RNF150: variants seen among roughly 807,000 people sequenced by gnomAD.
The protein encoded by RNF150 is ring finger protein 150.
RNF150 carries 24 observed loss-of-function variants against 39.3 expected under a neutral mutation model. The ratio of observed to expected loss-of-function variants is 0.61; its 90% CI spans 0.44 to 0.86. The LOEUF (loss-of-function observed/expected upper bound fraction) is 0.86. RNF150 is among the 40% of genes least tolerant of loss of function. RNF150 has a pLI of 0.00. For synonymous variants in RNF150, 255 were observed against 227.3 expected (o/e 1.12, Z -1.10); for missense variants, 502 against 587.8 (o/e 0.85, Z 1.51).
chr4:141,047,563 T>C (rs909584571), intron 1 of RNF150, among the ~76,000 whole-genome samples: 1 of 152,042 alleles, frequency 6.6e-6, no homozygotes, highest in Non-Finnish European at 1.5e-5. Flanking sequence ...AAACAGAAAA[T>C]GGAGGCCAAA....
chr4:140,908,291 G>A (rs1056225323), intron 6 of RNF150, among the ~76,000 whole-genome samples: 1 of 152,166 alleles, frequency 6.6e-6, no homozygotes, highest in Non-Finnish European at 1.5e-5. Flanking sequence ...AGGAATTACA[G>A]CCACTTAGTT....
intron 5 of RNF150, among the ~76,000 whole-genome samples, chr4:140,917,148 A>C (rs1200026696): frequency 6.6e-6 from 1 of 152,216 alleles, no homozygotes; most frequent in Non-Finnish European, 1.5e-5. Flanking sequence ...TGAGCAAAAT[A>C]ACCAGCTAAC....
chr4:141,154,932 G>GA (rs922784784), intron 1 of RNF150, among the ~76,000 whole-genome samples: 4 of 152,060 alleles, frequency 2.6e-5, no homozygotes, highest in African/African-American at 9.7e-5. Context: ...AGGCATTTTA[G>GA]AAATATGCCT....
chr4:141,166,192 A>G (rs1727599119), intron 1 of RNF150, among the ~76,000 whole-genome samples: 1 of 152,240 alleles, frequency 6.6e-6, no homozygotes, highest in Non-Finnish European at 1.5e-5. Context: ...ATAAACTAGG[A>G]AATCTAGAAG....
intron 1 of RNF150, among the ~76,000 whole-genome samples, chr4:141,187,498 A>G (rs1008080152): frequency 6.6e-6 from 1 of 152,166 alleles, no homozygotes; most frequent in South Asian, 2.1e-4. Flanking sequence ...GTCTCTTTGT[A>G]GGTCTCTAAG....
chr4:141,032,147 G>A (rs1225955025), intron 1 of RNF150, among the ~76,000 whole-genome samples: 1 of 151,864 alleles, frequency 6.6e-6, no homozygotes, highest in East Asian at 1.9e-4. Context: ...CAACATACAT[G>A]AACCTGGAAG....
chr4:140,981,885 T>C (rs933190760), intron 1 of RNF150, among the ~76,000 whole-genome samples: 6 of 152,204 alleles, frequency 3.9e-5, no homozygotes. Context: ...TCATTAACAA[T>C]GTTTTTTGTC....
chr4:140,915,127 T>C (rs1038217990), intron 5 of RNF150, among the ~76,000 whole-genome samples: 1 of 152,316 alleles, frequency 6.6e-6, no homozygotes, highest in East Asian at 1.9e-4. Context: ...TGTAATTCCA[T>C]AGACATTTAT....
chr4:140,919,683 CTACCT>C (rs1213153280), intron 5 of RNF150, among the ~76,000 whole-genome samples: 1 of 150,790 alleles, frequency 6.6e-6, no homozygotes, highest in African/African-American at 2.4e-5. Context: ...CTGGAAAAAA[CTACCT>C]TAAAGTTCAT....
chr4:141,005,502 A>G (rs1734830905), intron 1 of RNF150, among the ~76,000 whole-genome samples: 1 of 152,194 alleles, frequency 6.6e-6, no homozygotes, highest in South Asian at 2.1e-4. Flanking sequence ...CAATGCTACA[A>G]TTAGGCCTGC....
chr4:140,904,500 A>T (rs1730305540), intron 6 of RNF150, among the ~76,000 whole-genome samples: 2 of 152,234 alleles, frequency 1.3e-5, no homozygotes, highest in Admixed American at 1.3e-4. Flanking sequence ...AGACTTCGCC[A>T]TTTCAGGCTT....
intron 2 of RNF150, among the ~76,000 whole-genome samples, chr4:140,959,726 A>T (rs1316235776): frequency 6.6e-6 from 1 of 152,084 alleles, no homozygotes; most frequent in Non-Finnish European, 1.5e-5. Flanking sequence ...CCTTGTTTCA[A>T]CTCCCTCAGA....
intron 1 of RNF150, among the ~76,000 whole-genome samples, chr4:141,033,676 C>T (rs943561614): frequency 6.6e-6 from 1 of 152,182 alleles, no homozygotes; most frequent in African/African-American, 2.4e-5. Context: ...GATCCACTGG[C>T]TACAGAATAG....
intron 1 of RNF150, among the ~76,000 whole-genome samples, chr4:141,055,150 A>C (rs1736920379): frequency 6.6e-6 from 1 of 152,196 alleles, no homozygotes; most frequent in African/African-American, 2.4e-5. Context: ...CTAGGTTCAT[A>C]CAGGCAATGT....
chr4:141,094,028 G>C (rs1738687407), intron 1 of RNF150, among the ~76,000 whole-genome samples: 1 of 152,134 alleles, frequency 6.6e-6, no homozygotes, highest in Admixed American at 6.6e-5. Flanking sequence ...CTCAACAGAT[G>C]ATATAGATAC....
chr4:141,118,051 G>A (rs537282475), intron 1 of RNF150, among the ~76,000 whole-genome samples: 1 of 152,280 alleles, frequency 6.6e-6, no homozygotes, highest in African/African-American at 2.4e-5. Flanking sequence ...CCTCACAGTG[G>A]CTGCTGACAG....
intron 6 of RNF150, among the ~76,000 whole-genome samples, chr4:140,877,530 T>A (rs1317524865): frequency 6.6e-6 from 1 of 152,238 alleles, no homozygotes; most frequent in Non-Finnish European, 1.5e-5. Context: ...ATAGACCCCA[T>A]TTATTCATTC....
intron 1 of RNF150, among the ~76,000 whole-genome samples, chr4:141,198,476 A>G (rs559697962): frequency 6.6e-6 from 1 of 152,300 alleles, no homozygotes; most frequent in Admixed American, 6.5e-5. Flanking sequence ...GTTTTGTTGC[A>G]CATCTATTAT....
At chr4:141,140,198 C>T (rs1727095282) in intron 1 of RNF150, among the ~76,000 whole-genome samples, 1 of 152,178 alleles carries the variant, frequency 6.6e-6, no homozygotes, top group African/African-American at 2.4e-5. Flanking sequence ...ATAATATTCA[C>T]TTCTTTGCTC....
Sources: gnomAD v4.1 joint callset for allele counts (sites outside exome capture counted in the v4.1 genomes callset) on GRCh38, gnomAD v4.1.1 for gene constraint, MANE v1.5 for transcripts, NCBI Gene and HGNC (gene_info 2026-07-23, HGNC 2026-07-21) for gene names.